AMH: variants seen among roughly 807,000 people sequenced by gnomAD.
The protein encoded by AMH is anti-Mullerian hormone.
In AMH, 39 loss-of-function variants were observed where a neutral mutation model predicts 33.3. The observed-to-expected ratio is 1.17, with a 90% confidence interval of 0.91 to 1.53. The LOEUF is 1.53. AMH is among the 40% of genes most tolerant of loss of function. The pLI is 0.00. For missense variants in AMH, 1,019 were observed against 799.8 expected (o/e 1.27, Z -3.30); for synonymous variants, 536 against 403.0 (o/e 1.33, Z -3.95).
At position 2,250,395 on chromosome 19, in the gene AMH, C is replaced by T. The variant is rs367783341; in HGVS notation, c.471C>T (p.Gly157=). ...AGGAGCCCCCGCCTGGAGGAGCTGG[C>T]CCCCCAGAGCTGGCGCTGCTGGTGC... ...RFQEPPPGGA[G]PPELALLVLY... Residue 157 remains glycine, a synonymous_variant, in exon 2 of 5, where the codon GGC becomes GGT. Coordinates refer to ENST00000221496, the MANE Select transcript of AMH (RefSeq NM_000479.5). 19 of 1,583,370 alleles carry T rather than the reference C, an allele frequency of 1.2e-5. No homozygotes were observed. The highest frequency in any genetic ancestry group is 1.8e-4 in the Middle Eastern group (1 of 5,428).
In AMH at chr19:2,251,639, C is replaced by T. The variant is rs766535040; in HGVS notation, c.1365C>T (p.Ala455=). ...GPGRAQRSAG[A]TAADGPCALR... ...GTCGGGCACAGCGCAGCGCGGGGGC[C>T]ACCGCCGCCGACGGGCCGTGCGCGC... Residue 455 remains alanine (A), a synonymous_variant, in exon 5 of 5, where the codon GCC becomes GCT. Coordinates refer to ENST00000221496, the MANE Select transcript of AMH (RefSeq NM_000479.5). 2.5e-6 allele frequency: 4 copies of T among 1,589,218 alleles called. No homozygotes were observed. In the East Asian group the frequency reaches 9.3e-5, roughly 37 times the overall value.
chr19:2,250,829 C>T lies in AMH; in HGVS notation c.665-20C>T, dbSNP rs2025025574. On this transcript the variant is annotated intron_variant, in intron 3 of 4. Transcript: ENST00000221496. Reference sequence around the variant, plus strand: ...CCGGGCCCCCAGCCCCTGAGCCAGCCGCGTGCCCACCCACCGCAGACTCCC... The same window carrying T: ...CCGGGCCCCCAGCCCCTGAGCCAGCTGCGTGCCCACCCACCGCAGACTCCC... The T allele has an allele frequency of 6.4e-7, 1 of 1,550,718 alleles. No individual in the cohort carries two copies. The highest frequency in any genetic ancestry group is 1.9e-5 in the Admixed American group (1 of 53,318).
At chr19:2,251,052 G>C (rs772753956) in intron 4 of AMH, 44 bp downstream of exon 4, 2 of 1,528,020 alleles carry the variant, frequency 1.3e-6, no homozygotes, top group South Asian at 2.4e-5. Flanking sequence ...GGGCGGGGGC[G>C]GCGTGGCCTC....
In AMH at chr19:2,249,528, A is replaced by C; in HGVS notation, c.196A>C (p.Ser66Arg). ...LVALGGDSNG[S>R]SSPLRVVGAL... ...GGCACTGGGCGGGGACAGCAATGGC[A>C]GCAGCTCCCCCCTGCGGGTGGTGGG... The change falls in exon 1 of 5, where the codon AGC (serine) becomes CGC (arginine). Residue 66 changes from serine (S) to arginine (R), a missense_variant. By Grantham distance (110) the Ser-to-Arg change is moderately radical. Coordinates refer to ENST00000221496, the MANE Select transcript of AMH (RefSeq NM_000479.5). 1 of 1,601,924 alleles carries C rather than the reference A, an allele frequency of 6.2e-7. No homozygotes were observed. The highest frequency in any genetic ancestry group is 8.5e-7 in the Non-Finnish European group (1 of 1,175,942).
At chr19:2,250,220 C>T in intron 1 of AMH, 117 bp from the exon 2 acceptor site, 1 of 1,486,038 alleles carries the variant, frequency 6.7e-7, no homozygotes, top group African/African-American at 1.4e-5. Flanking sequence ...GAGGGGCACC[C>T]TTGTCCCCCG....
intron 1 of AMH, 179 bp from the exon 2 acceptor site, chr19:2,250,158 G>A: frequency 9.6e-7 from 1 of 1,044,408 alleles, no homozygotes; most frequent in East Asian, 2.6e-5. Context: ...CTCAGACGCA[G>A]CCCCTGCCTG....
chr19:2,251,656 C>T lies in AMH; in HGVS notation c.1382C>T (p.Pro461Leu). Residue 461 changes from proline to leucine, a missense_variant, in exon 5 of 5, where the codon CCG becomes CTG. Pro to Leu is a moderately conservative substitution (Grantham distance 98). Transcript: ENST00000221496. ...GCGGGGGCCACCGCCGCCGACGGGC[C>T]GTGCGCGCTGCGCGAGCTCAGCGTA... ...RSAGATAADG[P>L]CALRELSVDL... The T allele has an allele frequency of 2.5e-6, 4 of 1,604,356 alleles. No individual in the cohort carries two copies. Among genetic ancestry groups the T allele is most frequent in the Middle Eastern group, 3.3e-4 (2 of 6,028 alleles).
Position 2,251,022 on chromosome 19 carries a change from C to G in AMH, c.824+14C>G. 6.6e-7 allele frequency: 1 copy of G among 1,517,418 alleles called. No individual in the cohort carries two copies. The highest frequency in any genetic ancestry group is 8.8e-7 in the Non-Finnish European group (1 of 1,139,236). The allele number at this position is 1,517,418 out of a possible 1,614,324, so 94.0% of individuals were successfully genotyped here. ...CCCGCCGCCCAGGTGCGCGCAGGCACCGGGACACGGGGCAGGAGCGGGCGG... is the reference window on the plus strand; with the variant it reads ...CCCGCCGCCCAGGTGCGCGCAGGCAGCGGGACACGGGGCAGGAGCGGGCGG... On this transcript the variant is annotated intron_variant, in intron 4 of 4. Transcript: ENST00000221496.
chr19:2,252,071 G>C lies in AMH; in HGVS notation c.*114G>C. On this transcript the variant is annotated 3_prime_UTR_variant, in exon 5 of 5. Coordinates refer to ENST00000221496, the MANE Select transcript of AMH (RefSeq NM_000479.5). ...CCCCAATAAAGACCAGCAAGCAACC[G>C]GCTGGGGTGTCCGTGCGTGTTAGGG... The C allele has an allele frequency of 6.9e-7, 1 of 1,442,434 alleles. No individual in the cohort carries two copies. The highest frequency in any genetic ancestry group is 9.3e-7 in the Non-Finnish European group (1 of 1,074,094). 89.4% of individuals were successfully genotyped at this position (1,442,434 alleles called of 1,614,324 possible).
rs1250940714 is a variant in AMH at position 2,251,546 on chromosome 19, G to A, written c.1272G>A (p.Ala424=). The part of the protein sequence containing the change: ...GPGGLGDPLR[A]LLLLKALQGL... ...GCGGCCTCGGCGATCCCCTGCGAGCGCTGCTGCTCCTGAAGGCGCTGCAGG... is the reference window on the plus strand; with the variant it reads ...GCGGCCTCGGCGATCCCCTGCGAGCACTGCTGCTCCTGAAGGCGCTGCAGG... Residue 424 remains alanine, a synonymous_variant, in exon 5 of 5, where the codon GCG becomes GCA. Transcript: ENST00000221496. 1 of 1,334,888 alleles carries A rather than the reference G, an allele frequency of 7.5e-7. No individual in the cohort carries two copies. The highest frequency in any genetic ancestry group is 9.6e-7 in the Non-Finnish European group (1 of 1,044,832). The allele number at this position is 1,334,888 out of a possible 1,614,324, so 82.7% of individuals were successfully genotyped here.
Position 2,251,665 on chromosome 19 carries a change from T to C in AMH, c.1391T>C (p.Leu464Pro), listed in dbSNP as rs1790206308. The change falls in exon 5 of 5, where the codon CTG becomes CCG. Residue 464 changes from leucine to proline, a missense_variant. Leu to Pro is a moderately conservative substitution (Grantham distance 98). Coordinates refer to ENST00000221496, the MANE Select transcript of AMH (RefSeq NM_000479.5). ...GATAADGPCA[L>P]RELSVDLRAE... Reference sequence around the variant, plus strand: ...ACCGCCGCCGACGGGCCGTGCGCGCTGCGCGAGCTCAGCGTAGACCTCCGC... The same window carrying C: ...ACCGCCGCCGACGGGCCGTGCGCGCCGCGCGAGCTCAGCGTAGACCTCCGC... The C allele has an allele frequency of 6.2e-7, 1 of 1,606,842 alleles. No individual in the cohort carries two copies. Among genetic ancestry groups the C allele is most frequent in the Non-Finnish European group, 8.5e-7 (1 of 1,177,732 alleles).
rs200670571 is a variant in AMH, at chr19:2,251,663, G to C, written c.1389G>C (p.Ala463=). ...AGATAADGPC[A]LRELSVDLRA... is the part of the protein sequence containing the mutation. ...CCACCGCCGCCGACGGGCCGTGCGC[G>C]CTGCGCGAGCTCAGCGTAGACCTCC... is the stretch of plus-strand genomic sequence containing the variant. Residue 463 remains alanine (A), a synonymous_variant, in exon 5 of 5, where the codon GCG becomes GCC. Transcript: ENST00000221496. 1.0e-4 allele frequency: 167 copies of C among 1,605,868 alleles called. 2 individuals are homozygous for C. In the East Asian group the frequency reaches 3.6e-3, roughly 34 times the overall value.
intron 1 of AMH, 96 bp from the exon 2 acceptor site, chr19:2,250,241 C>T: frequency 1.3e-6 from 2 of 1,530,420 alleles, no homozygotes; most frequent in Non-Finnish European, 1.8e-6. Flanking sequence ...CTTGAGGTCC[C>T]CTGCACAGTG....
rs777960142 is a variant in AMH, at chr19:2,251,085, A to G, written c.825-14A>G. ...CTCGTGGCCGCTCTCAACTCCTCCA[A>G]TTGCGGGTTCCAGGCCATCCGCGGA... On this transcript the variant is annotated splice_polypyrimidine_tract_variant and intron_variant, in intron 4 of 4. Coordinates refer to ENST00000221496, the MANE Select transcript of AMH (RefSeq NM_000479.5). 9 of 1,539,428 alleles carry G rather than the reference A, an allele frequency of 5.8e-6. No homozygotes were observed. The highest frequency in any genetic ancestry group is 2.5e-5 in the East Asian group (1 of 40,698).
intron 2 of AMH, 34 bp downstream of exon 2, chr19:2,250,513 C>A: frequency 1.3e-6 from 2 of 1,543,956 alleles, no homozygotes; most frequent in South Asian, 2.4e-5. Context: ...GTGCCCGGGC[C>A]GTGGCGGGGG....
At position 2,249,394 on chromosome 19, in the gene AMH, G is replaced by T. The variant is rs1206701792; in HGVS notation, c.62G>T (p.Gly21Val). ...LVLSALGALL[G>V]TEALRAEEPA... is the part of the protein sequence containing the mutation. ...CTGTCTGCCCTGGGGGCTCTGCTGGGGACTGAGGCCCTCAGAGCAGAGGAG... is the reference window on the plus strand; with the variant it reads ...CTGTCTGCCCTGGGGGCTCTGCTGGTGACTGAGGCCCTCAGAGCAGAGGAG... The change falls in exon 1 of 5, where the codon GGG becomes GTG. Residue 21 changes from glycine (G) to valine (V), a missense_variant. Transcript: ENST00000221496. The T allele has an allele frequency of 6.3e-7, 1 of 1,592,286 alleles. No homozygotes were observed. The highest frequency in any genetic ancestry group is 1.7e-5 in the Admixed American group (1 of 57,348).
intron 2 of AMH, 76 bp from the exon 3 acceptor site, chr19:2,250,576 C>T (rs1393411459): frequency 1.3e-6 from 2 of 1,536,728 alleles, no homozygotes; most frequent in Non-Finnish European, 1.7e-6. Context: ...GAACCAGTGG[C>T]GATGGGAGGA....
chr19:2,251,820 C>G lies in AMH; in HGVS notation c.1546C>G (p.Arg516Gly). 2 of 1,603,528 alleles carry G rather than the reference C, an allele frequency of 1.2e-6. No homozygotes were observed. The highest frequency in any genetic ancestry group is 8.5e-7 in the Non-Finnish European group (1 of 1,178,518). ...GGTGCTGCTGCTGAAGATGCAGGTC[C>G]GTGGGGCCGCCCTGGCGCGCCCACC... ...HVVLLLKMQV[R>G]GAALARPPCC... is the part of the protein sequence containing the mutation. The change falls in exon 5 of 5, where the codon CGT becomes GGT. Residue 516 changes from arginine (R) to glycine (G), a missense_variant. Physicochemically the swap from Arg to Gly is moderately radical, Grantham distance 125. Transcript: ENST00000221496.
Position 2,250,634 on chromosome 19 carries a change from G to A in AMH, c.556-18G>A. 2 of 1,538,420 alleles carry A rather than the reference G, an allele frequency of 1.3e-6. No homozygotes were observed. The highest frequency in any genetic ancestry group is 1.7e-6 in the Non-Finnish European group (2 of 1,146,646). ...GGGTAAGCCTCCATCCAGCCGGGCT[G>A]AGCCCTGGTCTCCGCAGAGCCTCTG... On this transcript the variant is annotated intron_variant, in intron 2 of 4. Transcript: ENST00000221496.
Sources: gnomAD v4.1 joint callset for allele counts on GRCh38, gnomAD v4.1.1 for gene constraint, MANE v1.5 for transcripts, NCBI Gene and HGNC (gene_info 2026-07-23, HGNC 2026-07-21) for gene names.